Variants in IL6R observed in about 807,000 individuals in gnomAD.
The protein encoded by IL6R is interleukin-6 receptor subunit alpha.
IL6R carries 38 observed loss-of-function variants against 48.3 expected under a neutral mutation model. The observed-to-expected ratio is 0.79, with a 90% CI of 0.61 to 1.03. The LOEUF is 1.03. IL6R is among the 50% of genes least tolerant of loss of function. The pLI is 0.00. For missense variants in IL6R, 534 were observed against 618.3 expected (o/e 0.86, Z 1.45); for synonymous variants, 264 against 256.2 (o/e 1.03, Z -0.29).
chr1:154,432,396 C>T (rs796927009), intron 3 of IL6R, among the ~76,000 whole-genome samples: 2 of 146,776 alleles, frequency 1.4e-5, no homozygotes, highest in Admixed American at 6.9e-5. Flanking sequence ...TTCGCTCTGT[C>T]GCCCAGGCTG....
intron 9 of IL6R, among the ~76,000 whole-genome samples, chr1:154,462,981 T>C (rs2149278161): frequency 6.6e-6 from 1 of 151,814 alleles, no homozygotes; most frequent in African/African-American, 2.4e-5. Context: ...CTAATTCTTT[T>C]TTAGTAGAGA....
chr1:154,408,842 G>A (rs994060799), intron 1 of IL6R, among the ~76,000 whole-genome samples: 2 of 152,044 alleles, frequency 1.3e-5, no homozygotes, highest in African/African-American at 4.8e-5. Context: ...CTAGCCACGT[G>A]TACCTATTTA....
At chr1:154,459,343 G>GT (rs1691110239) in intron 9 of IL6R, among the ~76,000 whole-genome samples, 1 of 152,232 alleles carries the variant, frequency 6.6e-6, no homozygotes. Context: ...AGCCTAGTGA[G>GT]TTTCCATTTT....
At chr1:154,409,395 C>T (rs776866553) in intron 1 of IL6R, among the ~76,000 whole-genome samples, 17 of 152,154 alleles carry the variant, frequency 1.1e-4, no homozygotes, top group Non-Finnish European at 7.3e-5. Context: ...GCTCATTTTG[C>T]ATAGGTGATG....
intron 6 of IL6R, among the ~76,000 whole-genome samples, chr1:154,447,458 T>TACAC (rs1690300805): frequency 4.0e-5 from 3 of 75,714 alleles, no homozygotes; most frequent in African/African-American, 2.5e-4. Flanking sequence ...AAAAAAAATA[T>TACAC]ATATATATAT....
rs1021129613 is a variant in IL6R at position 154,468,614 on chromosome 1, G to A, written c.*3234G>A. 6.6e-6 allele frequency: 1 copy of A among 152,192 alleles called. No individual in the cohort carries two copies. The highest frequency in any genetic ancestry group is 2.4e-5 in the African/African-American group (1 of 41,444). The allele number at this position is 152,192 out of a possible 1,614,324, so 9.4% of individuals were successfully genotyped here. A position where few individuals can be genotyped will look rare whatever the true frequency, so the allele number is the denominator to read the frequency against. On this transcript the variant is annotated 3_prime_UTR_variant, in exon 10 of 10. Coordinates refer to ENST00000368485, the MANE Select transcript of IL6R (RefSeq NM_000565.4). ...GCTCTGAGTTCACACGGAGCCTCTG[G>A]CACTTCCCTGCTGTCTTGGGAGAAA... is the stretch of plus-strand genomic sequence containing the variant.
intron 6 of IL6R, among the ~76,000 whole-genome samples, chr1:154,447,474 T>C (rs796516147): frequency 0.18 from 15,563 of 86,076 alleles, 2,865 homozygotes; most frequent in African/African-American, 0.36. Context: ...TATATATATA[T>C]ATACACACAC....
chr1:154,453,324 A>G (rs1690691756), intron 8 of IL6R, among the ~76,000 whole-genome samples: 1 of 152,246 alleles, frequency 6.6e-6, no homozygotes, highest in Admixed American at 6.5e-5. Flanking sequence ...GCTTGGAGAA[A>G]CTTGTCTTTG....
intron 1 of IL6R, among the ~76,000 whole-genome samples, chr1:154,412,945 C>CTT (rs552986834): frequency 2.3e-5 from 3 of 132,830 alleles, no homozygotes; most frequent in African/African-American, 5.5e-5. Context: ...AGAACTTCCT[C>CTT]TTTTTTTTTT....
At chr1:154,436,427 G>T (rs1295653276) in intron 6 of IL6R, among the ~76,000 whole-genome samples, 1 of 152,204 alleles carries the variant, frequency 6.6e-6, no homozygotes, top group Non-Finnish European at 1.5e-5. Context: ...GCAGTGAGCC[G>T]AAATCGCGCC....
intron 1 of IL6R, among the ~76,000 whole-genome samples, chr1:154,419,775 A>G (rs1688545369): frequency 6.6e-6 from 1 of 152,192 alleles, no homozygotes. Flanking sequence ...GTTGAGAAAT[A>G]TGTGTCTCCG....
At chr1:154,434,923 C>T (rs979601070) in intron 4 of IL6R, 67 bp from the exon 5 acceptor site, 1 of 1,543,300 alleles carries the variant, frequency 6.5e-7, no homozygotes, top group South Asian at 1.2e-5. Flanking sequence ...GCTGGGATCT[C>T]AGCCTACATG....
chr1:154,422,359 C>G (rs1218174191), intron 1 of IL6R, among the ~76,000 whole-genome samples: 1 of 152,226 alleles, frequency 6.6e-6, no homozygotes, highest in Non-Finnish European at 1.5e-5. Flanking sequence ...TCTCTTCCCC[C>G]TTTAGAATAA....
In IL6R at chr1:154,405,462, A is replaced by C; in HGVS notation, c.-168A>C. 1 of 589,152 alleles carries C rather than the reference A, an allele frequency of 1.7e-6. No individual in the cohort carries two copies. Among genetic ancestry groups the C allele is most frequent in the Non-Finnish European group, 2.8e-6 (1 of 353,442 alleles). 36.5% of individuals were successfully genotyped at this position (589,152 alleles called of 1,614,324 possible). On this transcript the variant is annotated 5_prime_UTR_variant, in exon 1 of 10. Coordinates refer to ENST00000368485, the MANE Select transcript of IL6R (RefSeq NM_000565.4). This position sits in a 1 kb window ranked among gnomAD's most constrained non-coding sequence, Gnocchi z 5.2. ...GCCGAGCGCGGCGCGGGGCCGAGGG[A>C]CTCGCAGTGTGTGTAGAGAGCCGGG...
At chr1:154,450,092 C>T (rs1570992767) in intron 8 of IL6R, 112 bp downstream of exon 8, 10 of 639,170 alleles carry the variant, frequency 1.6e-5, no homozygotes, top group Middle Eastern at 3.2e-4. Context: ...ACAGATCAAT[C>T]GCAGAAATGT....
At chr1:154,444,604 G>C (rs768835776) in intron 6 of IL6R, among the ~76,000 whole-genome samples, 3 of 152,158 alleles carry the variant, frequency 2.0e-5, no homozygotes, top group Non-Finnish European at 4.4e-5. Flanking sequence ...TTTCATAAAA[G>C]AAAGGATGCT....
chr1:154,449,868 C>A, intron 7 of IL6R, 43 bp from the exon 8 acceptor site: 2 of 1,288,232 alleles, frequency 1.6e-6, no homozygotes, highest in Non-Finnish European at 2.3e-6. Flanking sequence ...AATGATGGTG[C>A]AATCTGCAGA....
Position 154,436,789 on chromosome 1 carries a change from T to C in IL6R, c.949+679T>C, listed in dbSNP as rs1379458830. On this transcript the variant is annotated intron_variant, in intron 6 of 9. Coordinates refer to ENST00000368485, the MANE Select transcript of IL6R (RefSeq NM_000565.4). ...GTTAGCCGTATTTAATCTAGGGCTT[T>C]TTATTTTTTTCAAATGTTAAAGGTA... 3.9e-5 allele frequency among the ~76,000 whole-genome samples: 6 copies of C among 152,332 alleles called. No homozygotes were observed. In the East Asian group the frequency reaches 1.2e-3, roughly 29 times the overall value.
intron 9 of IL6R, among the ~76,000 whole-genome samples, chr1:154,460,455 C>T (rs1392647129): frequency 6.6e-6 from 1 of 152,048 alleles, no homozygotes; most frequent in African/African-American, 2.4e-5. Context: ...ACAGAGATTG[C>T]TTCCATATTA....
Sources: allele counts gnomAD v4.1 joint callset (sites outside exome capture counted in the v4.1 genomes callset), GRCh38; gene constraint gnomAD v4.1.1; non-coding constraint Gnocchi (gnomAD v3.1); transcripts MANE v1.5; gene names NCBI Gene and HGNC (gene_info 2026-07-23, HGNC 2026-07-21).